The following SLC35E4 variants were observed in gnomAD, a reference collection of about 807,000 sequenced individuals.
SLC35E4 encodes the protein solute carrier family 35, member E4.
A neutral mutation model predicts 19.3 loss-of-function variants in SLC35E4; 15 were observed. That is an observed-to-expected ratio of 0.78 (90% CI 0.52 to 1.20). The LOEUF (loss-of-function observed/expected upper bound fraction) is 1.20, where lower values mean the gene tolerates loss of function less well. Ranked by LOEUF, SLC35E4 falls within the 50% of genes most tolerant of loss-of-function variation. The pLI, the probability that SLC35E4 is intolerant of heterozygous loss-of-function variation, is 0.00. For missense variants in SLC35E4, 406 were observed against 472.3 expected (o/e 0.86, Z 1.30); for synonymous variants, 219 against 219.9 (o/e 1.00, Z 0.04).
intron 1 of SLC35E4, among the ~76,000 whole-genome samples, chr22:30,644,126 A>G (rs556410019): frequency 1.3e-5 from 2 of 152,232 alleles, no homozygotes; most frequent in Non-Finnish European, 2.9e-5. Flanking sequence ...TGCAAGCCAC[A>G]GGTAGCTCAT....
chr22:30,657,946 AATAATAATG>A (rs1301235136), intron 2 of SLC35E4, among the ~76,000 whole-genome samples: 2 of 134,482 alleles, frequency 1.5e-5, no homozygotes, highest in Non-Finnish European at 3.1e-5. Context: ...TAATAATAAT[AATAATAATG>A]ATTAGCTGGA....
intron 2 of SLC35E4, among the ~76,000 whole-genome samples, chr22:30,655,998 G>C (rs1475288855): frequency 6.6e-6 from 1 of 151,596 alleles, no homozygotes; most frequent in Non-Finnish European, 1.5e-5. Flanking sequence ...TGGGCAAAAG[G>C]GTCTCACTCT....
Position 30,636,903 on chromosome 22 carries a change from G to C in SLC35E4, c.453G>C (p.Ser151=). 1 of 1,612,024 alleles carries C rather than the reference G, an allele frequency of 6.2e-7. No homozygotes were observed. The highest frequency in any genetic ancestry group is 8.5e-7 in the Non-Finnish European group (1 of 1,179,358). Residue 151 remains serine, a synonymous_variant, in exon 1 of 2, where the codon TCG becomes TCC. Transcript: ENST00000343605. Reference sequence around the variant, plus strand: ...CACCTCTGTTCACCCTGGCCCTGTCGGCGCTGCTGCTGGGCCGCCGCCACC... The same window carrying C: ...CACCTCTGTTCACCCTGGCCCTGTCCGCGCTGCTGCTGGGCCGCCGCCACC... The part of the protein sequence containing the change: ...TTTPLFTLAL[S]ALLLGRRHHP...
At chr22:30,644,601 A>G (rs2088098358) in intron 1 of SLC35E4, among the ~76,000 whole-genome samples, 1 of 152,166 alleles carries the variant, frequency 6.6e-6, no homozygotes, top group Non-Finnish European at 1.5e-5. Context: ...AAAAATTTTC[A>G]GGGGTGATGG....
In SLC35E4 at chr22:30,656,195, G is replaced by A. The variant is rs966082875; in HGVS notation, c.*9-5865G>A. Reference sequence around the variant, plus strand: ...TCTCACTATGTTGCCCAGGCTGATCGCAAATTCCCAGGCTCAAGTGATCCT... The same window carrying A: ...TCTCACTATGTTGCCCAGGCTGATCACAAATTCCCAGGCTCAAGTGATCCT... On this transcript the variant is annotated intron_variant, in intron 2 of 2. Transcript: ENST00000406566. 2.6e-5 allele frequency among the ~76,000 whole-genome samples: 4 copies of A among 151,602 alleles called. No homozygotes were observed. The East Asian group carries it at 5.9e-4, about 22-fold the overall frequency.
downstream of SLC35E4, among the ~76,000 whole-genome samples, chr22:30,648,240 C>G (rs2088165016): frequency 6.6e-6 from 1 of 152,164 alleles, no homozygotes; most frequent in Admixed American, 6.5e-5. Context: ...CAGGACGTGG[C>G]ACCTGCAGCC....
rs116368214 is a variant in SLC35E4 at position 30,654,719 on chromosome 22, C to T, written c.*8+5466C>T. 718 of 337,518 alleles carry T rather than the reference C, an allele frequency of 2.1e-3. 3 individuals are homozygous for T. Among genetic ancestry groups the T allele is most frequent in the African/African-American group, 7.9e-3 (366 of 46,420 alleles). The allele number at this position is 337,518 out of a possible 1,614,324, so 20.9% of individuals were successfully genotyped here. On this transcript the variant is annotated intron_variant, in intron 2 of 2. Transcript: ENST00000406566. The stretch of plus-strand genomic sequence containing the variant: ...GAAATACTGATGCCCCCGCAGTGTA[C>T]GACCACCACCTTCCGGCCTGCTTAG...
downstream of SLC35E4, among the ~76,000 whole-genome samples, chr22:30,665,821 G>C (rs5997730): frequency 9.2e-3 from 1,399 of 152,098 alleles, 16 homozygotes; most frequent in African/African-American, 0.032. Flanking sequence ...GTAGGTGCTT[G>C]ATAAATATTT....
downstream of SLC35E4, among the ~76,000 whole-genome samples, chr22:30,666,048 G>T (rs1277262125): frequency 6.6e-6 from 1 of 152,166 alleles, no homozygotes; most frequent in Non-Finnish European, 1.5e-5. Flanking sequence ...CTCATTCCCG[G>T]AAGGACAGAG....
chr22:30,651,262 G>A (rs1347634039), downstream of SLC35E4, among the ~76,000 whole-genome samples: 1 of 150,420 alleles, frequency 6.6e-6, no homozygotes, highest in Non-Finnish European at 1.5e-5. Flanking sequence ...ATGCAGTGGT[G>A]CAATCTTGGC....
intron 1 of SLC35E4, among the ~76,000 whole-genome samples, chr22:30,641,811 G>C (rs934467100): frequency 3.5e-5 from 5 of 144,568 alleles, no homozygotes; most frequent in African/African-American, 1.3e-4. Context: ...TCTTCCCTCC[G>C]GGCCTCCCAA....
At chr22:30,641,718 ATTTTT>A (rs56070783) in intron 1 of SLC35E4, among the ~76,000 whole-genome samples, 1,492 of 108,920 alleles carry the variant, frequency 0.014, 37 homozygotes, top group African/African-American at 0.044. Flanking sequence ...CTAATTTTTA[ATTTTT>A]TTTTTTTTTT....
chr22:30,642,235 C>G (rs2088054166), intron 1 of SLC35E4, among the ~76,000 whole-genome samples: 2 of 152,040 alleles, frequency 1.3e-5, no homozygotes, highest in Non-Finnish European at 1.5e-5. Flanking sequence ...GTCTCCAACT[C>G]CTAGACTCAA....
chr22:30,659,613 C>A (rs1036658169), intron 2 of SLC35E4, among the ~76,000 whole-genome samples: 1 of 152,116 alleles, frequency 6.6e-6, no homozygotes, highest in Admixed American at 6.6e-5. Context: ...CTCAGGTGAT[C>A]CACCAGCCTC....
At chr22:30,665,220 G>A (rs970194269), downstream of SLC35E4, 6 of 185,820 alleles carry the variant, frequency 3.2e-5, no homozygotes, top group Middle Eastern at 2.4e-3. Flanking sequence ...CACCAGGCAC[G>A]AGAAATGAGG....
At chr22:30,641,610 A>G (rs2088038571) in intron 1 of SLC35E4, among the ~76,000 whole-genome samples, 1 of 151,534 alleles carries the variant, frequency 6.6e-6, no homozygotes, top group Admixed American at 6.6e-5. Context: ...CAGCAGTGCA[A>G]TCTCAGCTCA....
At position 30,636,815 on chromosome 22, in the gene SLC35E4, C is replaced by T; in HGVS notation, c.365C>T (p.Ala122Val). ...AGTCTCACCTTTGGCACGTCCATGG[C>T]CTGCGGCAACGTGGGCCTAAGGGCT... ...LLSLTFGTSMACGNVGLRAVP... is the reference protein window; with the variant it reads ...LLSLTFGTSMVCGNVGLRAVP... The change falls in exon 1 of 2, where the codon GCC becomes GTC. Residue 122 changes from alanine to valine, a missense_variant. Ala to Val is a moderately conservative substitution (Grantham distance 64). Transcript: ENST00000343605. 1 of 1,612,854 alleles carries T rather than the reference C, an allele frequency of 6.2e-7. No individual in the cohort carries two copies.
downstream of SLC35E4, among the ~76,000 whole-genome samples, chr22:30,651,239 C>T (rs772834491): frequency 4.0e-5 from 6 of 150,516 alleles, no homozygotes; most frequent in East Asian, 2.0e-4. Flanking sequence ...TTCGCTCTGT[C>T]GCCCAGGCTA....
downstream of SLC35E4, among the ~76,000 whole-genome samples, chr22:30,652,471 T>C (rs1311080769): frequency 6.6e-6 from 1 of 152,232 alleles, no homozygotes; most frequent in African/African-American, 2.4e-5. Flanking sequence ...AAAGGGCCAT[T>C]ATCATCTTCA....
Sources: allele counts gnomAD v4.1 joint callset (sites outside exome capture counted in the v4.1 genomes callset), GRCh38; gene constraint gnomAD v4.1.1; transcripts MANE v1.5; gene names NCBI Gene and HGNC (gene_info 2026-07-23, HGNC 2026-07-21).